FREM3: variants seen among roughly 807,000 people sequenced by gnomAD.
FREM3 encodes FRAS1-related extracellular matrix protein 3.
A neutral mutation model predicts 129.1 loss-of-function variants in FREM3; 105 were observed. The observed-to-expected ratio is 0.81, with a 90% CI of 0.69 to 0.96. The LOEUF is 0.96. Among genes scored for constraint, FREM3 ranks in the 40% least tolerant of loss-of-function variants. The pLI, the probability that FREM3 is intolerant of heterozygous loss-of-function variation, is 0.00. For missense variants in FREM3, 2,593 were observed against 2,666.3 expected (o/e 0.97, Z 0.61); for synonymous variants, 1,014 against 1,044.9 (o/e 0.97, Z 0.57).
At chr4:143,616,403 A>G (rs140219133) in intron 5 of FREM3, among the ~76,000 whole-genome samples, 64 of 152,334 alleles carry the variant, frequency 4.2e-4, no homozygotes, top group African/African-American at 1.5e-3. Flanking sequence ...GAACACATCT[A>G]CAACTAAATA....
intron 2 of FREM3, among the ~76,000 whole-genome samples, chr4:143,673,806 G>C (rs921693422): frequency 6.6e-6 from 1 of 152,168 alleles, no homozygotes; most frequent in African/African-American, 2.4e-5. Flanking sequence ...TGCCCCTCCC[G>C]CAGCCTCGCT....
intron 6 of FREM3, among the ~76,000 whole-genome samples, chr4:143,609,337 AG>A: frequency 1.3e-5 from 2 of 152,330 alleles, no homozygotes; most frequent in East Asian, 3.9e-4. Context: ...CTATAAGAAA[AG>A]GTGTGGTAGT....
At chr4:143,602,535 C>T (rs1008431508) in intron 6 of FREM3, among the ~76,000 whole-genome samples, 1 of 152,078 alleles carries the variant, frequency 6.6e-6, no homozygotes, top group East Asian at 1.9e-4. Flanking sequence ...CCATGGGGGA[C>T]ATGAAGATGG....
Position 143,678,691 on chromosome 4 carries a change from A to G in FREM3, c.5275+14422T>C, listed in dbSNP as rs1048284656. ...GAAAAAGTATGCAAGTATGTACCACAGTCAGCCAAGATTAAAAGTTCAAAA... is the reference window on the plus strand; with the variant it reads ...GAAAAAGTATGCAAGTATGTACCACGGTCAGCCAAGATTAAAAGTTCAAAA... On this transcript the variant is annotated intron_variant, in intron 2 of 7. Transcript: ENST00000329798. 2.0e-5 allele frequency among the ~76,000 whole-genome samples: 3 copies of G among 152,150 alleles called. No homozygotes were observed. In the East Asian group the frequency reaches 5.8e-4, roughly 29 times the overall value.
intron 2 of FREM3, among the ~76,000 whole-genome samples, chr4:143,681,995 T>C (rs1740260046): frequency 6.6e-6 from 1 of 152,146 alleles, no homozygotes; most frequent in Non-Finnish European, 1.5e-5. Context: ...AAAATCAGTT[T>C]ATAAGTAGGC....
Position 143,627,663 on chromosome 4 carries a change from T to A in FREM3, c.5373A>T (p.Leu1791Phe). ...ATCCTCTGCGTGTAAGGGTCACTTC[T>A]AAGAATGTGGAATCTTCATCCACAA... The part of the protein sequence containing the change: ...YYIVDEDSTF[L>F]EVTLTRRGYL... Residue 1791 changes from leucine to phenylalanine, a missense_variant, in exon 3 of 8, where the codon TTA (leucine) becomes TTT (phenylalanine). Leu to Phe is a conservative substitution (Grantham distance 22). Around this residue, in one of 2 missense-constraint regions of FREM3, gnomAD observed 2,276 missense variants for 2,267.2 expected, o/e 1.00. Coordinates refer to ENST00000329798, the MANE Select transcript of FREM3 (RefSeq NM_001168235.2). 1 of 1,535,528 alleles carries A rather than the reference T, an allele frequency of 6.5e-7. No individual in the cohort carries two copies. The highest frequency in any genetic ancestry group is 8.7e-7 in the Non-Finnish European group (1 of 1,145,430).
intron 2 of FREM3, among the ~76,000 whole-genome samples, chr4:143,684,525 T>C (rs561000886): frequency 6.6e-6 from 1 of 152,190 alleles, no homozygotes; most frequent in Non-Finnish European, 1.5e-5. Context: ...GCCCTAGACC[T>C]TCCCTCTGAC....
At chr4:143,633,733 C>G (rs1400141498) in intron 2 of FREM3, among the ~76,000 whole-genome samples, 2 of 152,076 alleles carry the variant, frequency 1.3e-5, no homozygotes, top group African/African-American at 4.8e-5. Context: ...ATGCATAAAT[C>G]AATTACATAC....
intron 2 of FREM3, among the ~76,000 whole-genome samples, chr4:143,651,131 AACC>A (rs1739503147): frequency 1.3e-5 from 2 of 152,230 alleles, no homozygotes; most frequent in Admixed American, 1.3e-4. Context: ...CCAGAGTGTT[AACC>A]AGGACTTAAG....
chr4:143,675,527 A>G (rs1740099033), intron 2 of FREM3, among the ~76,000 whole-genome samples: 2 of 152,206 alleles, frequency 1.3e-5, no homozygotes, highest in Admixed American at 1.3e-4. Context: ...AGAAGGCAAG[A>G]AATAACTAAG....
At chr4:143,617,501 T>G (rs1738873389) in intron 5 of FREM3, among the ~76,000 whole-genome samples, 1 of 152,212 alleles carries the variant, frequency 6.6e-6, no homozygotes, top group Non-Finnish European at 1.5e-5. Flanking sequence ...TTAAGATATT[T>G]AAAACCAACT....
At chr4:143,590,994 C>T (rs1486961670) in intron 6 of FREM3, among the ~76,000 whole-genome samples, 1 of 152,146 alleles carries the variant, frequency 6.6e-6, no homozygotes, top group Non-Finnish European at 1.5e-5. Flanking sequence ...GGAATTTATC[C>T]ATTTCTTCTA....
intron 2 of FREM3, among the ~76,000 whole-genome samples, chr4:143,660,399 T>G (rs1412227882): frequency 6.6e-6 from 1 of 152,168 alleles, no homozygotes; most frequent in Non-Finnish European, 1.5e-5. Context: ...GTTGTAGATA[T>G]GCGGTGTTAT....
At chr4:143,654,133 C>T (rs913193141) in intron 2 of FREM3, among the ~76,000 whole-genome samples, 6 of 152,258 alleles carry the variant, frequency 3.9e-5, no homozygotes, top group African/African-American at 1.2e-4. Context: ...GACGGAGTCT[C>T]ACTCTGTCAC....
chr4:143,623,065 C>T (rs1389058365), intron 4 of FREM3, among the ~76,000 whole-genome samples: 1 of 152,184 alleles, frequency 6.6e-6, no homozygotes, highest in East Asian at 1.9e-4. Flanking sequence ...CACTACTTCT[C>T]AAATTATGTT....
Position 143,699,562 on chromosome 4 carries a change from G to A in FREM3, c.1114C>T (p.Leu372Phe). The A allele has an allele frequency of 6.5e-7, 1 of 1,536,638 alleles. No individual in the cohort carries two copies. Among genetic ancestry groups the A allele is most frequent in the South Asian group, 1.2e-5 (1 of 84,032 alleles). The change falls in exon 1 of 8, where the codon CTT becomes TTT. Residue 372 changes from leucine (L) to phenylalanine (F), a missense_variant. Physicochemically the swap from Leu to Phe is conservative, Grantham distance 22. This residue lies in a region of FREM3 where 2,276 missense variants were observed against 2,267.2 expected (regional missense o/e 1.00). Coordinates refer to ENST00000329798, the MANE Select transcript of FREM3 (RefSeq NM_001168235.2). This position sits in a 1 kb window ranked among gnomAD's most constrained non-coding sequence, Gnocchi z 4.2. ...TGCTGGGTGAAGAAGGAGACTGGAA[G>A]CCCTAGAGGGTCGTCGGTGCTGACC... ...YVVSTDDPLG[L>F]PVSFFTQQEL...
chr4:143,631,197 G>C (rs1309698001), intron 2 of FREM3, among the ~76,000 whole-genome samples: 6 of 152,080 alleles, frequency 3.9e-5, no homozygotes, highest in Admixed American at 3.9e-4. Flanking sequence ...ATGTGAATTT[G>C]TGCCAAAGAC....
chr4:143,605,012 G>T (rs1738644202), intron 6 of FREM3, among the ~76,000 whole-genome samples: 1 of 152,146 alleles, frequency 6.6e-6, no homozygotes, highest in South Asian at 2.1e-4. Flanking sequence ...GGGTAGGATA[G>T]AAGGCAAGGG....
chr4:143,630,557 T>A (rs1403271426), intron 2 of FREM3, among the ~76,000 whole-genome samples: 2 of 152,174 alleles, frequency 1.3e-5, no homozygotes, highest in Non-Finnish European at 2.9e-5. Context: ...TAAGAAAATA[T>A]GAAAGCATCA....
Sources: gnomAD v4.1 joint callset for allele counts (sites outside exome capture counted in the v4.1 genomes callset) on GRCh38, gnomAD v4.1.1 for gene constraint, gnomAD v4.1.1 regional missense constraint, Gnocchi (gnomAD v3.1) non-coding constraint, MANE v1.5 for transcripts, NCBI Gene and HGNC (gene_info 2026-07-23, HGNC 2026-07-21) for gene names.